Variants in ECPAS observed in about 807,000 individuals in gnomAD.
ECPAS encodes the protein Ecm29 proteasome adaptor and scaffold.
Under a neutral mutation model 255.1 loss-of-function variants are expected in ECPAS, and 70 were observed. The observed-to-expected ratio is 0.27, with a 90% CI of 0.23 to 0.33. ECPAS has a LOEUF of 0.33. Ranked by LOEUF, ECPAS falls within the 10% of genes least tolerant of loss-of-function variation. The pLI is 1.00. For missense variants in ECPAS, 1,817 were observed against 2,206.4 expected (o/e 0.82, Z 3.54); for synonymous variants, 784 against 775.0 (o/e 1.01, Z -0.19).
intron 7 of ECPAS, 84 bp downstream of exon 7, chr9:111,436,856 G>C (rs2098238889): frequency 2.5e-6 from 3 of 1,192,548 alleles, no homozygotes; most frequent in African/African-American, 3.1e-5. Flanking sequence ...GAATATACTA[G>C]AATTATGTTT....
chr9:111,441,025 A>C (rs1177329212), intron 5 of ECPAS, among the ~76,000 whole-genome samples: 1 of 151,890 alleles, frequency 6.6e-6, no homozygotes, highest in Non-Finnish European at 1.5e-5. Flanking sequence ...GGTGGCGGGC[A>C]CCTGTAGTCC....
At chr9:111,389,814 T>C in intron 30 of ECPAS, 91 bp from the exon 31 acceptor site, 1 of 1,334,430 alleles carries the variant, frequency 7.5e-7, no homozygotes, top group South Asian at 1.5e-5. Context: ...TATGCCTAAA[T>C]ACAGCCTGAT....
At position 111,361,947 on chromosome 9, in the gene ECPAS, T is replaced by C; in HGVS notation, c.*83A>G. The C allele has an allele frequency of 6.6e-7, 1 of 1,508,962 alleles. No homozygotes were observed. Among genetic ancestry groups the C allele is most frequent in the Non-Finnish European group, 8.9e-7 (1 of 1,117,932 alleles). 93.5% of individuals were successfully genotyped at this position (1,508,962 alleles called of 1,614,324 possible). A position where few individuals can be genotyped will look rare whatever the true frequency, so the allele number is the denominator to read the frequency against. ...ATGCATGCTACAGATTAATCTTTACTTTTTCCCACTTGGTTTTTCAAAGAA... is the reference window on the plus strand; with the variant it reads ...ATGCATGCTACAGATTAATCTTTACCTTTTCCCACTTGGTTTTTCAAAGAA... On this transcript the variant is annotated 3_prime_UTR_variant, in exon 50 of 50. Transcript: ENST00000684092.
At position 111,417,854 on chromosome 9, in the gene ECPAS, G is replaced by A. The variant is rs200082449; in HGVS notation, c.1683+29C>T. On this transcript the variant is annotated intron_variant, in intron 17 of 49. Transcript: ENST00000684092. ...TATTTTCATCATCCATTATGATTTA[G>A]ACTAATTACCTTAAGTTGCATGCCA... 2.5e-3 allele frequency: 3,881 copies of A among 1,526,576 alleles called. 5 individuals are homozygous for A. Among genetic ancestry groups the A allele is most frequent in the Middle Eastern group, 6.8e-3 (40 of 5,870 alleles). 94.6% of individuals were successfully genotyped at this position (1,526,576 alleles called of 1,614,324 possible).
At chr9:111,370,310 T>C (rs1294971624) in intron 45 of ECPAS, 125 bp downstream of exon 45, 8 of 631,680 alleles carry the variant, frequency 1.3e-5, no homozygotes, top group Non-Finnish European at 2.2e-5. Context: ...TTTAAGGCCG[T>C]ATTTTGGAAT....
chr9:111,451,217 G>A (rs2098259887), intron 3 of ECPAS, among the ~76,000 whole-genome samples: 1 of 152,160 alleles, frequency 6.6e-6, no homozygotes, highest in Admixed American at 6.5e-5. Flanking sequence ...CTGATGCCAA[G>A]TAGACAGTTG....
Position 111,442,412 on chromosome 9 carries a change from T to G in ECPAS, c.283A>C (p.Ile95Leu), listed in dbSNP as rs1357901713. ...AVSFVTNFTI[I>L]YVKMGYPRLP... Reference sequence around the variant, plus strand: ...CGAGGATAGCCCATTTTAACATAAATTATAGTAAAATTCTAATGCAATAAG... The same window carrying G: ...CGAGGATAGCCCATTTTAACATAAAGTATAGTAAAATTCTAATGCAATAAG... The change falls in exon 5 of 50, where the codon ATT (isoleucine) becomes CTT (leucine). Residue 95 changes from isoleucine to leucine, a missense_variant. Physicochemically the swap from Ile to Leu is conservative, Grantham distance 5 (BLOSUM62 2). This residue lies in a region of ECPAS where 90 missense variants were observed against 158.5 expected (regional missense o/e 0.57). Coordinates refer to ENST00000684092, the MANE Select transcript of ECPAS (RefSeq NM_001364929.1). 1 of 1,596,238 alleles carries G rather than the reference T, an allele frequency of 6.3e-7. No homozygotes were observed. The highest frequency in any genetic ancestry group is 1.7e-5 in the Admixed American group (1 of 59,242).
At chr9:111,462,207 G>A (rs2098274009) in intron 2 of ECPAS, among the ~76,000 whole-genome samples, 1 of 152,172 alleles carries the variant, frequency 6.6e-6, no homozygotes, top group Non-Finnish European at 1.5e-5. Context: ...AAAACAAGAA[G>A]CTAGATGGTA....
At chr9:111,391,207 T>C (rs2098159446) in intron 29 of ECPAS, among the ~76,000 whole-genome samples, 3 of 152,028 alleles carry the variant, frequency 2.0e-5, no homozygotes, top group Admixed American at 2.0e-4. Context: ...CCCCCCAGAG[T>C]GACCCCTAGG....
chr9:111,434,896 CTTT>C (rs3031129), intron 7 of ECPAS, among the ~76,000 whole-genome samples: 7,232 of 91,986 alleles, frequency 0.079, 300 homozygotes, highest in East Asian at 0.22. Flanking sequence ...CCACATCTGG[CTTT>C]TTTTTTTTTT....
In ECPAS at chr9:111,407,054, T is replaced by TA; in HGVS notation, c.2652+1516dup. Reference sequence around the variant, plus strand: ...AGCTTTTCATGTATTTCTAAACTCTTAAAATAATGGCATTAAAAGTAAGTT... The same window carrying TA: ...AGCTTTTCATGTATTTCTAAACTCTTAAAAATAATGGCATTAAAAGTAAGTT... On this transcript the variant is annotated intron_variant, in intron 24 of 49. Coordinates refer to ENST00000684092, the MANE Select transcript of ECPAS (RefSeq NM_001364929.1). Among the ~76,000 whole-genome samples, 2 of 147,610 alleles carry TA rather than the reference T, an allele frequency of 1.4e-5. 1 individual carries two copies. Among genetic ancestry groups the TA allele is most frequent in the South Asian group, 4.3e-4 (2 of 4,696 alleles).
intron 24 of ECPAS, among the ~76,000 whole-genome samples, chr9:111,401,862 G>A (rs949577253): frequency 3.9e-5 from 6 of 152,160 alleles, no homozygotes; most frequent in Non-Finnish European, 8.8e-5. Context: ...CAGACCTTAC[G>A]GTTATCTTTC....
At chr9:111,392,714 T>C in intron 28 of ECPAS, 54 bp downstream of exon 28, 1 of 1,179,372 alleles carries the variant, frequency 8.5e-7, no homozygotes, top group Non-Finnish European at 1.2e-6. Flanking sequence ...CTTCTCACTA[T>C]GTGTAGAGAC....
intron 3 of ECPAS, among the ~76,000 whole-genome samples, chr9:111,447,480 G>C (rs1056822103): frequency 2.0e-5 from 3 of 151,986 alleles, no homozygotes; most frequent in African/African-American, 7.3e-5. Flanking sequence ...TTAAATATCG[G>C]CGAATTTCCT....
In ECPAS at chr9:111,390,096, C is replaced by A; in HGVS notation, c.3167G>T (p.Gly1056Val). ...ACAAAGTTCCTTGTAAGTAGAAAGG[C>A]CCTGACTTGGAAACAAAGAAAAAGA... ...GALGKTPDGQ[G>V]LSTYKELCSL... The change falls in exon 30 of 50, where the codon GGC (glycine) becomes GTC (valine). Residue 1056 changes from glycine to valine, a missense_variant. Around this residue, in one of 4 missense-constraint regions of ECPAS, gnomAD observed 960 missense variants for 1,179.0 expected, o/e 0.81. Coordinates refer to ENST00000684092, the MANE Select transcript of ECPAS (RefSeq NM_001364929.1). 1.3e-6 allele frequency: 2 copies of A among 1,570,622 alleles called. No homozygotes were observed. Among genetic ancestry groups the A allele is most frequent in the Non-Finnish European group, 1.7e-6 (2 of 1,148,306 alleles).
intron 48 of ECPAS, 25 bp downstream of exon 48, chr9:111,366,214 A>G: frequency 7.0e-7 from 1 of 1,420,284 alleles, no homozygotes; most frequent in South Asian, 1.2e-5. Flanking sequence ...GGACTCCCTC[A>G]TCAGTTTTAG....
At chr9:111,420,164 AG>A in intron 15 of ECPAS, 44 bp from the exon 16 acceptor site, 1 of 1,341,640 alleles carries the variant, frequency 7.5e-7, no homozygotes, top group Non-Finnish European at 1.1e-6. Context: ...GATCCGAAAA[AG>A]GAAAAAAAAA....
In ECPAS at chr9:111,411,141, C is replaced by G. The variant is rs752181912; in HGVS notation, c.2216G>C (p.Ser739Thr). The change falls in exon 22 of 50, where the codon AGC becomes ACC. Residue 739 changes from serine (S) to threonine (T), a missense_variant and splice_region_variant. By Grantham distance (58) the Ser-to-Thr change is moderately conservative (BLOSUM62 1). This residue lies in a region of ECPAS where 194 missense variants were observed against 152.8 expected (regional missense o/e 1.27). Transcript: ENST00000684092. ...CAAGGATCCATGCTGTATCTCCGGG[C>G]TCTGAATTTAGCAAAAACAATAGCA... Reference protein sequence around the residue: ...QLIKTTKDNHSPEIQHGSLLA... With the variant: ...QLIKTTKDNHTPEIQHGSLLA... 5 of 1,613,116 alleles carry G rather than the reference C, an allele frequency of 3.1e-6. No individual in the cohort carries two copies. The highest frequency in any genetic ancestry group is 4.2e-6 in the Non-Finnish European group (5 of 1,179,592).
chr9:111,409,661 T>A (rs1183491760), intron 23 of ECPAS, among the ~76,000 whole-genome samples: 1 of 152,032 alleles, frequency 6.6e-6, no homozygotes, highest in African/African-American at 2.4e-5. Flanking sequence ...GGTGTTTTGA[T>A]CACAAAACTG....
Sources: allele counts gnomAD v4.1 joint callset (sites outside exome capture counted in the v4.1 genomes callset), GRCh38; gene constraint gnomAD v4.1.1; regional missense constraint gnomAD v4.1.1; transcripts MANE v1.5; gene names NCBI Gene and HGNC (gene_info 2026-07-23, HGNC 2026-07-21).